TIAM1: variants seen among roughly 807,000 people sequenced by gnomAD.
TIAM1 encodes the protein rho guanine nucleotide exchange factor TIAM1.
TIAM1 carries 65 observed loss-of-function variants against 163.5 expected under a neutral mutation model. That is an observed-to-expected ratio of 0.40 (90% confidence interval 0.33 to 0.49). TIAM1 has a LOEUF of 0.49. Among genes scored for constraint, TIAM1 ranks in the 20% least tolerant of loss-of-function variants. The probability of loss-of-function intolerance (pLI) is 0.77; values close to 1 mark genes in which losing one functional copy is unlikely to be tolerated. For missense variants in TIAM1, 1,789 were observed against 2,044.7 expected, an observed-to-expected ratio of 0.87 and a Z score of 2.41; for synonymous variants, 833 against 810.1, an observed-to-expected ratio of 1.03 and a Z score of -0.48.
intron 1 of TIAM1, among the ~76,000 whole-genome samples, chr21:31,522,933 G>A (rs373170200): frequency 1.4e-3 from 214 of 152,208 alleles, no homozygotes; most frequent in African/African-American, 4.7e-3. Flanking sequence ...AAATTCTGTC[G>A]TTTAAATTTA....
chr21:31,361,503 T>C (rs1425687985), intron 2 of TIAM1, among the ~76,000 whole-genome samples: 1 of 152,206 alleles, frequency 6.6e-6, no homozygotes, highest in Non-Finnish European at 1.5e-5. Flanking sequence ...CAGTAGGCTG[T>C]ACAGTCACGT....
intron 11 of TIAM1, among the ~76,000 whole-genome samples, chr21:31,207,405 A>G (rs1371991335): frequency 2.6e-5 from 4 of 152,218 alleles, no homozygotes; most frequent in African/African-American, 9.6e-5. Context: ...TGATTATTAA[A>G]TATTAGAGAA....
chr21:31,418,341 C>CAAAAAAAAA (rs71193114), intron 2 of TIAM1, among the ~76,000 whole-genome samples: 1 of 34,746 alleles, frequency 2.9e-5, no homozygotes, highest in African/African-American at 1.0e-4. Flanking sequence ...GACTCTGTCT[C>CAAAAAAAAA]AAAAAAAAAA....
intron 9 of TIAM1, among the ~76,000 whole-genome samples, chr21:31,213,866 CAAAAAAAAA>C (rs35524539): frequency 7.3e-5 from 4 of 54,878 alleles, no homozygotes; most frequent in Non-Finnish European, 1.3e-4. Context: ...CTCATCTCTA[CAAAAAAAAA>C]AAAAAAAAAA....
rs1444950453 is a variant in TIAM1 at position 31,118,941 on chromosome 21, T to C, written c.*1427A>G. The C allele has an allele frequency of 4.7e-6, 1 of 211,236 alleles. No individual in the cohort carries two copies. The highest frequency in any genetic ancestry group is 9.7e-6 in the Non-Finnish European group (1 of 103,440). 13.1% of individuals were successfully genotyped at this position (211,236 alleles called of 1,614,324 possible). On this transcript the variant is annotated 3_prime_UTR_variant, in exon 28 of 28. Coordinates refer to ENST00000541036, the MANE Select transcript of TIAM1 (RefSeq NM_001353694.2). ...AAAGTCATAACTGATTTTTATAAAA[T>C]ATAACTCCTAAAGCTACTATAAAAT...
At chr21:31,336,084 A>G (rs558374132) in intron 2 of TIAM1, among the ~76,000 whole-genome samples, 1 of 152,274 alleles carries the variant, frequency 6.6e-6, no homozygotes, top group Admixed American at 6.5e-5. Context: ...TAGCCTTACA[A>G]TGTCGGGGGC....
At chr21:31,247,008 T>A (rs2071536526) in intron 5 of TIAM1, among the ~76,000 whole-genome samples, 1 of 152,192 alleles carries the variant, frequency 6.6e-6, no homozygotes, top group African/African-American at 2.4e-5. Context: ...GGTAAAGCCC[T>A]ATGCTAATGC....
intron 2 of TIAM1, among the ~76,000 whole-genome samples, chr21:31,317,743 A>T (rs1313003485): frequency 6.6e-6 from 1 of 152,128 alleles, no homozygotes; most frequent in Admixed American, 6.5e-5. Context: ...TCACACCACT[A>T]CATTCCAACC....
chr21:31,235,499 G>C (rs1406507882), intron 6 of TIAM1, among the ~76,000 whole-genome samples: 1 of 152,184 alleles, frequency 6.6e-6, no homozygotes, highest in South Asian at 2.1e-4. Context: ...TAGAAAGTCA[G>C]TAGTATCTAA....
intron 2 of TIAM1, among the ~76,000 whole-genome samples, chr21:31,289,141 T>C (rs181786742): frequency 6.6e-6 from 1 of 152,326 alleles, no homozygotes; most frequent in East Asian, 1.9e-4. Context: ...TGTGAGTGTA[T>C]AAAATAAGAA....
At chr21:31,370,212 AAT>A (rs1225116469) in intron 2 of TIAM1, among the ~76,000 whole-genome samples, 7 of 152,170 alleles carry the variant, frequency 4.6e-5, no homozygotes, top group Admixed American at 6.5e-5. Context: ...ACTGAGACAC[AAT>A]GTATGGGTGT....
chr21:31,428,377 G>T (rs16988263), intron 2 of TIAM1, among the ~76,000 whole-genome samples: 10 of 152,038 alleles, frequency 6.6e-5, no homozygotes, highest in Admixed American at 2.6e-4. Context: ...TTTACCTTCT[G>T]GTTTTATTGT....
In TIAM1 at chr21:31,365,482, G is replaced by A. The variant is rs920436286; in HGVS notation, c.-368-26060C>T. On this transcript the variant is annotated intron_variant, in intron 2 of 28. Coordinates refer to the TIAM1 transcript ENST00000286827. Reference sequence around the variant, plus strand: ...CGGCTCACTGCAAGCTCTGCCTCCCGGGTTCACGCCATTCTCCTGCCTCAG... The same window carrying A: ...CGGCTCACTGCAAGCTCTGCCTCCCAGGTTCACGCCATTCTCCTGCCTCAG... Among the ~76,000 whole-genome samples the A allele has an allele frequency of 4.1e-5, 6 of 147,726 alleles. No individual in the cohort carries two copies. The South Asian group carries it at 6.5e-4, about 16-fold the overall frequency.
intron 1 of TIAM1, among the ~76,000 whole-genome samples, chr21:31,545,539 AG>A (rs1360878803): frequency 6.6e-6 from 1 of 152,186 alleles, no homozygotes; most frequent in African/African-American, 2.4e-5. Flanking sequence ...CCTAGAGAAA[AG>A]CTGAAGTCAT....
At chr21:31,370,851 A>G (rs1161385964) in intron 2 of TIAM1, among the ~76,000 whole-genome samples, 1 of 152,184 alleles carries the variant, frequency 6.6e-6, no homozygotes, top group Admixed American at 6.5e-5. Flanking sequence ...TTGAAAAAAT[A>G]GAAAGATCTG....
At chr21:31,541,681 T>A (rs936000597) in intron 1 of TIAM1, among the ~76,000 whole-genome samples, 3 of 152,160 alleles carry the variant, frequency 2.0e-5, no homozygotes, top group African/African-American at 4.8e-5. Context: ...CAAAGCTGTA[T>A]CTATTTAAGA....
At chr21:31,133,929 G>A (rs371334088) in intron 23 of TIAM1, among the ~76,000 whole-genome samples, 13 of 151,974 alleles carry the variant, frequency 8.6e-5, no homozygotes, top group African/African-American at 2.9e-4. Context: ...TTAGCTGGGC[G>A]TGGTGGTGCG....
At chr21:31,177,677 G>A (rs915315046) in intron 15 of TIAM1, among the ~76,000 whole-genome samples, 5 of 152,144 alleles carry the variant, frequency 3.3e-5, no homozygotes, top group African/African-American at 7.2e-5. Flanking sequence ...CCTAATCTTC[G>A]CCACTAGGCT....
intron 16 of TIAM1, among the ~76,000 whole-genome samples, chr21:31,161,078 T>TGTGTGTGTGTGTG (rs1568944076): frequency 6.9e-6 from 1 of 144,644 alleles, no homozygotes; most frequent in African/African-American, 2.6e-5. Flanking sequence ...TGTGTGTGTG[T>TGTGTGTGTGTGTG]TTAACAGTTG....
Sources: gnomAD v4.1 joint callset for allele counts (sites outside exome capture counted in the v4.1 genomes callset) on GRCh38, gnomAD v4.1.1 for gene constraint, MANE v1.5 for transcripts, NCBI Gene and HGNC (gene_info 2026-07-23, HGNC 2026-07-21) for gene names.